Variants in PDLIM3 observed in about 807,000 individuals in gnomAD.
PDLIM3 encodes PDZ and LIM domain protein 3.
Under a neutral mutation model 37.3 loss-of-function variants are expected in PDLIM3, and 36 were observed. The observed-to-expected ratio is 0.97, with a 90% confidence interval of 0.74 to 1.28. The LOEUF (loss-of-function observed/expected upper bound fraction) is 1.28. PDLIM3 is among the 50% of genes most tolerant of loss of function. The pLI is 0.00. For synonymous variants in PDLIM3, 174 were observed against 182.4 expected, an observed-to-expected ratio of 0.95 and a Z score of 0.37; for missense variants, 454 against 485.0, an observed-to-expected ratio of 0.94 and a Z score of 0.60.
At chr4:185,533,566 G>A (rs940525093) in intron 1 of PDLIM3, among the ~76,000 whole-genome samples, 3 of 151,988 alleles carry the variant, frequency 2.0e-5, no homozygotes, top group African/African-American at 7.3e-5. Context: ...AATCATATTT[G>A]GTCATAAACT....
chr4:185,503,178 CG>C (rs1345785047), intron 7 of PDLIM3, among the ~76,000 whole-genome samples: 7 of 151,988 alleles, frequency 4.6e-5, no homozygotes, highest in Admixed American at 4.6e-4. Flanking sequence ...GAGCCGAGAT[CG>C]CGCCACTGCA....
At chr4:185,525,615 T>C (rs1283802469) in intron 1 of PDLIM3, among the ~76,000 whole-genome samples, 1 of 152,210 alleles carries the variant, frequency 6.6e-6, no homozygotes, top group Non-Finnish European at 1.5e-5. Context: ...GTAAGAGGCA[T>C]GCAATGGACT....
At chr4:185,532,395 G>A (rs1031993090) in intron 1 of PDLIM3, among the ~76,000 whole-genome samples, 1 of 152,198 alleles carries the variant, frequency 6.6e-6, no homozygotes, top group African/African-American at 2.4e-5. Flanking sequence ...CATGACATAA[G>A]GAGGGGTTAT....
At chr4:185,520,118 C>A (rs778104803) in intron 3 of PDLIM3, among the ~76,000 whole-genome samples, 4 of 152,204 alleles carry the variant, frequency 2.6e-5, no homozygotes, top group African/African-American at 7.2e-5. Context: ...TTTATCAGCA[C>A]GTTTTGTTCT....
At chr4:185,517,897 T>C (rs1476853522) in intron 3 of PDLIM3, among the ~76,000 whole-genome samples, 1 of 152,174 alleles carries the variant, frequency 6.6e-6, no homozygotes, top group Non-Finnish European at 1.5e-5. Context: ...GCTTACATCA[T>C]TGTTGATGGT....
At chr4:185,513,595 C>T (rs2095710072) in intron 4 of PDLIM3, 1 of 986,174 alleles carries the variant, frequency 1.0e-6, no homozygotes, top group Middle Eastern at 5.2e-4. Context: ...CAGTTTGCAA[C>T]AGCTGCGGTA....
At chr4:185,524,961 T>G (rs1025277274) in intron 2 of PDLIM3, 59 bp downstream of exon 2, 22 of 1,561,912 alleles carry the variant, frequency 1.4e-5, no homozygotes, top group Non-Finnish European at 1.9e-5. Flanking sequence ...TATTTATAGT[T>G]CTGGTTCAGG....
At chr4:185,519,459 G>A (rs1336397714) in intron 3 of PDLIM3, among the ~76,000 whole-genome samples, 1 of 151,832 alleles carries the variant, frequency 6.6e-6, no homozygotes, top group South Asian at 2.1e-4. Context: ...CTAATTTTTT[G>A]TATTTCTAGT....
chr4:185,504,089 A>G lies in PDLIM3; in HGVS notation c.905+386T>C, dbSNP rs2095692286. ...TGTATTTGTTTCCCTGTGTTTATAC[A>G]GAGGAGGATACTATGTATACTAAAT... On this transcript the variant is annotated intron_variant, in intron 7 of 7. Transcript: ENST00000284767. This position sits in a 1 kb window ranked among gnomAD's most constrained non-coding sequence, Gnocchi z 4.7. Among the ~76,000 whole-genome samples the G allele has an allele frequency of 6.6e-6, 1 of 152,182 alleles. No homozygotes were observed. The highest frequency in any genetic ancestry group is 6.5e-5 in the Admixed American group (1 of 15,282).
intron 1 of PDLIM3, among the ~76,000 whole-genome samples, chr4:185,532,413 G>C (rs1021372923): frequency 1.3e-5 from 2 of 152,138 alleles, no homozygotes; most frequent in South Asian, 2.1e-4. Context: ...TATACAGGCC[G>C]AAAGCTACAG....
At chr4:185,511,306 T>C (rs1257750147) in intron 4 of PDLIM3, among the ~76,000 whole-genome samples, 2 of 152,160 alleles carry the variant, frequency 1.3e-5, no homozygotes, top group Non-Finnish European at 2.9e-5. Flanking sequence ...AAAAGAACTA[T>C]AGCTAATGGT....
In PDLIM3 at chr4:185,501,228, G is replaced by A. The variant is rs896023587; in HGVS notation, c.*1066C>T. 1 of 152,288 alleles carries A rather than the reference G, an allele frequency of 6.6e-6. No homozygotes were observed. Among genetic ancestry groups the A allele is most frequent in the Non-Finnish European group, 1.5e-5 (1 of 68,128 alleles). 9.4% of individuals were successfully genotyped at this position (152,288 alleles called of 1,614,324 possible). On this transcript the variant is annotated 3_prime_UTR_variant, in exon 8 of 8. Coordinates refer to ENST00000284767, the MANE Select transcript of PDLIM3 (RefSeq NM_014476.6). ...AAGCTGAGCTGAGAGTTTTGGAGGT[G>A]GTAGTGGAGGTGTTATTATTGCCTG...
intron 4 of PDLIM3, chr4:185,513,895 C>T: frequency 8.5e-7 from 1 of 1,179,996 alleles, no homozygotes; most frequent in Non-Finnish European, 1.1e-6. Context: ...TTCCTTCCTC[C>T]TAACCGGGGC....
At position 185,508,743 on chromosome 4, in the gene PDLIM3, C is replaced by T. The variant is rs11937705; in HGVS notation, c.399-181G>A. Among the ~76,000 whole-genome samples, 4,725 of 152,160 alleles carry T rather than the reference C, an allele frequency of 0.031. 197 individuals are homozygous for T. Among genetic ancestry groups the T allele is most frequent in the African/African-American group, 0.092 (3,833 of 41,498 alleles). On this transcript the variant is annotated intron_variant, in intron 4 of 7. Coordinates refer to ENST00000284767, the MANE Select transcript of PDLIM3 (RefSeq NM_014476.6). ...CTAGAATTTATTTATAAAGGGAAGA[C>T]GGTGAAAAATTCATGATTGAAAAAA...
In PDLIM3 at chr4:185,508,222, G is replaced by A. The variant is rs1332166050; in HGVS notation, c.662+77C>T. ...ATAGCTTTCTTTCCATTAAGACAATGTTAAAAGACACCAGTAAAGCTGACA... is the reference window on the plus strand; with the variant it reads ...ATAGCTTTCTTTCCATTAAGACAATATTAAAAGACACCAGTAAAGCTGACA... On this transcript the variant is annotated intron_variant, in intron 5 of 7. Transcript: ENST00000284767. 1.6e-5 allele frequency: 22 copies of A among 1,376,592 alleles called. No homozygotes were observed. The East Asian group carries it at 3.2e-4, about 20-fold the overall frequency. The allele number at this position is 1,376,592 out of a possible 1,614,324, so 85.3% of individuals were successfully genotyped here.
intron 4 of PDLIM3, chr4:185,513,958 T>G (rs2095710685): frequency 1.6e-6 from 2 of 1,246,708 alleles, no homozygotes; most frequent in Non-Finnish European, 2.0e-6. Context: ...GGGATAGACA[T>G]ACTGACTGCC....
intron 3 of PDLIM3, chr4:185,516,633 CCTT>C (rs1421433240): frequency 6.6e-6 from 1 of 152,194 alleles, no homozygotes; most frequent in Admixed American, 6.5e-5. Context: ...TGAGTATACT[CCTT>C]CTTCTACTAT....
In PDLIM3 at chr4:185,535,506, C is replaced by T. The variant is rs1471737904; in HGVS notation, c.-72G>A. 2.2e-6 allele frequency: 3 copies of T among 1,344,876 alleles called. No individual in the cohort carries two copies. The highest frequency in any genetic ancestry group is 2.0e-6 in the Non-Finnish European group (2 of 978,464). 83.3% of individuals were successfully genotyped at this position (1,344,876 alleles called of 1,614,324 possible). On this transcript the variant is annotated 5_prime_UTR_variant, in exon 1 of 8. Transcript: ENST00000284767. ...CAGCCACTCCGCGCCGGGCGGCGTC[C>T]TGGCCCCGACCCGGGCGGGGGCGCT... is the stretch of plus-strand genomic sequence containing the variant.
chr4:185,503,739 G>A (rs745571464), intron 7 of PDLIM3, among the ~76,000 whole-genome samples: 2 of 152,210 alleles, frequency 1.3e-5, no homozygotes, highest in African/African-American at 2.4e-5. Flanking sequence ...CCTGAGGTCA[G>A]GAGTTTGAGA....
Sources: allele counts gnomAD v4.1 joint callset (sites outside exome capture counted in the v4.1 genomes callset), GRCh38; gene constraint gnomAD v4.1.1; non-coding constraint Gnocchi (gnomAD v3.1); transcripts MANE v1.5; gene names NCBI Gene and HGNC (gene_info 2026-07-23, HGNC 2026-07-21).